NEK10: variants seen among roughly 807,000 people sequenced by gnomAD.
The protein encoded by NEK10 is NIMA related kinase 10.
A neutral mutation model predicts 159.8 loss-of-function variants in NEK10; 122 were observed. The ratio of observed to expected loss-of-function variants is 0.76; its 90% CI spans 0.66 to 0.89. NEK10 has a LOEUF of 0.89. Among genes scored for constraint, NEK10 ranks in the 40% least tolerant of loss-of-function variants. The probability of loss-of-function intolerance (pLI) is 0.00; values close to 1 mark genes in which losing one functional copy is unlikely to be tolerated. For missense variants in NEK10, 1,342 were observed against 1,323.1 expected (o/e 1.01, Z -0.22); for synonymous variants, 466 against 457.1 (o/e 1.02, Z -0.25).
chr3:27,270,231 G>T (rs963278587), intron 22 of NEK10, among the ~76,000 whole-genome samples: 2 of 152,136 alleles, frequency 1.3e-5, no homozygotes, highest in Admixed American at 6.5e-5. Context: ...AATAGTAAAG[G>T]TTATTCTGCT....
intron 32 of NEK10, among the ~76,000 whole-genome samples, chr3:27,127,038 A>C (rs1397678929): frequency 6.6e-6 from 1 of 152,082 alleles, no homozygotes; most frequent in Non-Finnish European, 1.5e-5. Flanking sequence ...AAAACCCATA[A>C]ATATTTTTAT....
chr3:27,162,705 T>C lies in NEK10; in HGVS notation c.2865A>G (p.Arg955=). 2 of 1,614,142 alleles carry C rather than the reference T, an allele frequency of 1.2e-6. No homozygotes were observed. The highest frequency in any genetic ancestry group is 1.7e-6 in the Non-Finnish European group (2 of 1,179,992). ...DFTGGTGSRP[R]PASAGIAVSQ... The stretch of plus-strand genomic sequence containing the variant: ...TTGCTACCAACACTAAGTTACCTGG[T>C]CTTGGTCTTGATCCTGTTCCTCCAG... Residue 955 remains arginine, a synonymous_variant, in exon 30 of 36, where the codon AGA becomes AGG. Transcript: ENST00000691995.
At chr3:27,116,747 C>T (rs1940502482) in intron 33 of NEK10, among the ~76,000 whole-genome samples, 1 of 151,982 alleles carries the variant, frequency 6.6e-6, no homozygotes, top group South Asian at 2.1e-4. Context: ...CATCCTCTTG[C>T]CTACAGCCTT....
intron 30 of NEK10, among the ~76,000 whole-genome samples, chr3:27,149,483 T>C (rs1285170707): frequency 6.6e-6 from 1 of 152,368 alleles, no homozygotes; most frequent in Admixed American, 6.5e-5. Context: ...TTGGTAATTC[T>C]TGCAATATTT....
At chr3:27,344,442 A>C in intron 4 of NEK10, 72 bp from the exon 5 acceptor site, 1 of 734,372 alleles carries the variant, frequency 1.4e-6, no homozygotes, top group Non-Finnish European at 2.4e-6. Flanking sequence ...GTGCAGACAA[A>C]GATCATCTAT....
intron 13 of NEK10, among the ~76,000 whole-genome samples, chr3:27,301,479 A>T (rs2043817917): frequency 6.6e-6 from 1 of 152,212 alleles, no homozygotes; most frequent in South Asian, 2.1e-4. Flanking sequence ...ATCTCTTGCT[A>T]GGTTCAGAAC....
chr3:27,131,812 G>C (rs1047258455), intron 32 of NEK10, 68 bp downstream of exon 32: 61 of 761,746 alleles, frequency 8.0e-5, no homozygotes, highest in Non-Finnish European at 1.1e-4. Context: ...AAGTAAAGGA[G>C]GTATAAAATG....
chr3:27,308,111 C>T (rs570106683), intron 10 of NEK10, among the ~76,000 whole-genome samples, 166 bp from the exon 11 acceptor site: 1 of 152,288 alleles, frequency 6.6e-6, no homozygotes, highest in Non-Finnish European at 1.5e-5. Flanking sequence ...CCTCAGGAAA[C>T]TTACAGTCAT....
At chr3:27,139,127 T>C (rs886791864) in intron 31 of NEK10, among the ~76,000 whole-genome samples, 1 of 152,098 alleles carries the variant, frequency 6.6e-6, no homozygotes, top group Non-Finnish European at 1.5e-5. Flanking sequence ...CAAGGTCGGA[T>C]GAAGTCACAT....
intron 1 of NEK10, among the ~76,000 whole-genome samples, chr3:27,357,806 T>A (rs2048418568): frequency 6.6e-6 from 1 of 152,098 alleles, no homozygotes. Flanking sequence ...ACCACAGCCC[T>A]AAGTACAGAG....
At chr3:27,240,734 C>T (rs887945988) in intron 23 of NEK10, among the ~76,000 whole-genome samples, 1 of 151,684 alleles carries the variant, frequency 6.6e-6, no homozygotes, top group Non-Finnish European at 1.5e-5. Context: ...TCACTGCAAC[C>T]TCTGTCTCCC....
chr3:27,256,645 A>G (rs1956209413), intron 22 of NEK10, among the ~76,000 whole-genome samples: 1 of 152,196 alleles, frequency 6.6e-6, no homozygotes, highest in African/African-American at 2.4e-5. Flanking sequence ...GAATGAATCT[A>G]ACATTTGGCA....
rs553188744 is a variant in NEK10, at chr3:27,197,567, C to T, written c.2291+3943G>A. On this transcript the variant is annotated intron_variant, in intron 25 of 35. Coordinates refer to ENST00000691995, the MANE Select transcript of NEK10 (RefSeq NM_001394966.1). ...CCTGAGGCCTTAAGACTGTAGATTT[C>T]GGCTTCACTGTTGTTATATAGAAAT... Among the ~76,000 whole-genome samples, 14 of 152,236 alleles carry T rather than the reference C, an allele frequency of 9.2e-5. No homozygotes were observed. The East Asian group carries it at 1.9e-3, about 21-fold the overall frequency.
chr3:27,297,334 T>A, intron 13 of NEK10, 94 bp from the exon 14 acceptor site: 1 of 837,222 alleles, frequency 1.2e-6, no homozygotes. Context: ...TTTTATTATT[T>A]TGCTATTTTT....
chr3:27,117,229 G>A (rs1559474251), intron 33 of NEK10, among the ~76,000 whole-genome samples: 1 of 152,150 alleles, frequency 6.6e-6, no homozygotes, highest in Non-Finnish European at 1.5e-5. Context: ...GTCTATCATT[G>A]ATGGGCATTT....
intron 1 of NEK10, among the ~76,000 whole-genome samples, chr3:27,366,902 C>A (rs967533696): frequency 2.0e-5 from 3 of 150,946 alleles, no homozygotes; most frequent in Non-Finnish European, 4.4e-5. Context: ...ACCTCCGCCT[C>A]CCGGTTCAAG....
chr3:27,218,277 G>A (rs1162036108), intron 23 of NEK10, among the ~76,000 whole-genome samples: 1 of 152,204 alleles, frequency 6.6e-6, no homozygotes, highest in Non-Finnish European at 1.5e-5. Context: ...AACTGCAGTT[G>A]ACTGAAACTG....
At chr3:27,178,302 T>G (rs1338854739) in intron 26 of NEK10, among the ~76,000 whole-genome samples, 2 of 152,166 alleles carry the variant, frequency 1.3e-5, no homozygotes, top group African/African-American at 2.4e-5. Flanking sequence ...GGCATCTATT[T>G]TATTAAAATC....
chr3:27,204,275 C>CTTTTTTTTTTTTTTTTTTT (rs1203026508), intron 23 of NEK10, among the ~76,000 whole-genome samples: 15 of 63,968 alleles, frequency 2.3e-4, no homozygotes, highest in South Asian at 6.0e-4. Flanking sequence ...GATAAATTTT[C>CTTTTTTTTTTTTTTTTTTT]TTTTTTTTTT....
Sources: allele counts gnomAD v4.1 joint callset (sites outside exome capture counted in the v4.1 genomes callset), GRCh38; gene constraint gnomAD v4.1.1; transcripts MANE v1.5; gene names NCBI Gene and HGNC (gene_info 2026-07-23, HGNC 2026-07-21).